DAB1: variants seen among roughly 807,000 people sequenced by gnomAD.
The protein encoded by DAB1 is disabled homolog 1.
DAB1 carries 15 observed loss-of-function variants against 64.6 expected under a neutral mutation model. The observed-to-expected ratio is 0.23, with a 90% CI of 0.16 to 0.36. The LOEUF is 0.36. DAB1 is among the 10% of genes least tolerant of loss of function. The probability of loss-of-function intolerance (pLI) is 1.00; values close to 1 mark genes in which losing one functional copy is unlikely to be tolerated. For missense variants in DAB1, 596 were observed against 706.7 expected (o/e 0.84, Z 1.78); for synonymous variants, 235 against 251.9 (o/e 0.93, Z 0.64).
intron 2 of DAB1, among the ~76,000 whole-genome samples, chr1:57,152,163 T>C (rs771111679): frequency 6.6e-6 from 1 of 152,166 alleles, no homozygotes; most frequent in Non-Finnish European, 1.5e-5. Context: ...AAATACTACT[T>C]GGTATCATTT....
intron 4 of DAB1, among the ~76,000 whole-genome samples, chr1:58,289,276 C>T (rs1045850452): frequency 2.6e-5 from 4 of 152,090 alleles, no homozygotes; most frequent in Non-Finnish European, 5.9e-5. Context: ...CTCTTAGCAT[C>T]TCTAATAAAG....
intron 3 of DAB1, among the ~76,000 whole-genome samples, chr1:58,472,391 A>G (rs1389970307): frequency 2.0e-5 from 3 of 152,244 alleles, no homozygotes; most frequent in Non-Finnish European, 4.4e-5. Flanking sequence ...TGGTCCTGAT[A>G]TAACTTTATA....
rs571724910 is a variant in DAB1, at chr1:58,451,358, G to A, written n.257+54702C>T. ...CCCTCCCACCTTAGTCTCCCAAAGTGCTGGGGTTACAGGCGTGAGCCACTG... is the reference window on the plus strand; with the variant it reads ...CCCTCCCACCTTAGTCTCCCAAAGTACTGGGGTTACAGGCGTGAGCCACTG... On this transcript the variant is annotated intron_variant and non_coding_transcript_variant, in intron 3 of 20. Transcript: ENST00000485760. Among the ~76,000 whole-genome samples, 176 of 152,342 alleles carry A rather than the reference G, an allele frequency of 1.2e-3. 1 individual carries two copies. The highest frequency in any genetic ancestry group is 4.1e-3 in the African/African-American group (169 of 41,578).
rs138611816 is a variant in DAB1, at chr1:58,410,299, T to A, written n.258-66896A>T. 3.9e-5 allele frequency among the ~76,000 whole-genome samples: 6 copies of A among 152,344 alleles called. No individual in the cohort carries two copies. The East Asian group carries it at 1.2e-3, about 29-fold the overall frequency. ...ATTTTTCCATAAATCACTTCCAGCC[T>A]TCAGATAACAATTTTATAGTCTGTT... On this transcript the variant is annotated intron_variant and non_coding_transcript_variant, in intron 3 of 20. Coordinates refer to the DAB1 transcript ENST00000485760.
chr1:57,533,060 T>A (rs1372037214), intron 7 of DAB1, among the ~76,000 whole-genome samples: 3 of 152,130 alleles, frequency 2.0e-5, no homozygotes, highest in Non-Finnish European at 4.4e-5. Context: ...AACCAGGTTC[T>A]CTCACTCCGG....
rs543612276 is a variant in DAB1, at chr1:57,578,334, C to T, written n.625+71258G>A. On this transcript the variant is annotated intron_variant and non_coding_transcript_variant, in intron 7 of 20. Transcript: ENST00000485760. ...GAGATGATTCATAGCCAGGCCAAAG[C>T]TTCTGGCACTGCTAAATCCAGACAG... Among the ~76,000 whole-genome samples, 29 of 152,372 alleles carry T rather than the reference C, an allele frequency of 1.9e-4. 1 individual carries two copies. The highest frequency in any genetic ancestry group is 1.8e-3 in the Admixed American group (27 of 15,308).
intron 5 of DAB1, among the ~76,000 whole-genome samples, chr1:57,984,892 T>G (rs1449104939): frequency 6.7e-6 from 1 of 150,094 alleles, no homozygotes; most frequent in Non-Finnish European, 1.5e-5. Context: ...GAAATTGCAT[T>G]GAAAACCTGC....
At chr1:58,249,215 A>G (rs1249642905) in intron 4 of DAB1, among the ~76,000 whole-genome samples, 1 of 151,496 alleles carries the variant, frequency 6.6e-6, no homozygotes, top group African/African-American at 2.4e-5. Flanking sequence ...CTCCTACTGC[A>G]CCCCCACAAC....
chr1:58,525,018 TTAATTC>T (rs1646327853), intron 2 of DAB1, among the ~76,000 whole-genome samples: 1 of 152,166 alleles, frequency 6.6e-6, no homozygotes, highest in Non-Finnish European at 1.5e-5. Context: ...GGTACCACAG[TTAATTC>T]TATGCAGTTA....
chr1:57,371,477 T>C (rs1213668818), intron 1 of DAB1, among the ~76,000 whole-genome samples: 1 of 152,240 alleles, frequency 6.6e-6, no homozygotes, highest in Admixed American at 6.5e-5. Flanking sequence ...TTAATGGAAC[T>C]ATGTGAATAC....
intron 4 of DAB1, among the ~76,000 whole-genome samples, chr1:58,305,986 AC>A (rs1383960612): frequency 9.8e-6 from 1 of 101,946 alleles, no homozygotes; most frequent in Non-Finnish European, 2.1e-5. Context: ...GCACCCCCCC[AC>A]CCCCCTCCAC....
At chr1:57,482,477 T>TAAAA (rs918167439) in intron 7 of DAB1, among the ~76,000 whole-genome samples, 3 of 61,178 alleles carry the variant, frequency 4.9e-5, no homozygotes, top group South Asian at 5.8e-4. Flanking sequence ...CTGAAAGTTG[T>TAAAA]AAAAAAAAAA....
At chr1:57,193,379 A>ATTTTTTTTTT (rs1328631874) in intron 2 of DAB1, among the ~76,000 whole-genome samples, 5 of 71,568 alleles carry the variant, frequency 7.0e-5, no homozygotes, top group East Asian at 3.9e-4. Context: ...TCCGTAGCAT[A>ATTTTTTTTTT]TGTTTTTTTT....
chr1:57,425,137 G>C (rs1439051903), upstream of DAB1, among the ~76,000 whole-genome samples: 1 of 152,172 alleles, frequency 6.6e-6, no homozygotes, highest in Non-Finnish European at 1.5e-5. Flanking sequence ...TGAAATGCAG[G>C]AGAAGAGAGG....
At chr1:57,576,153 C>T (rs1286154996) in intron 7 of DAB1, among the ~76,000 whole-genome samples, 1 of 151,774 alleles carries the variant, frequency 6.6e-6, no homozygotes, top group Admixed American at 6.6e-5. Context: ...ATTTTTTAAT[C>T]ATAATATTTT....
At chr1:58,180,276 C>CTTTTCTTTTTTTTT (rs1656709289) in intron 4 of DAB1, among the ~76,000 whole-genome samples, 1 of 53,144 alleles carries the variant, frequency 1.9e-5, no homozygotes, top group African/African-American at 8.2e-5. Context: ...TCTTTTTTTT[C>CTTTTCTTTTTTTTT]TTTTCTTTTT....
At chr1:58,264,715 T>C (rs569501446) in intron 4 of DAB1, among the ~76,000 whole-genome samples, 3 of 152,218 alleles carry the variant, frequency 2.0e-5, no homozygotes, top group Non-Finnish European at 2.9e-5. Context: ...ATCTCTTCTG[T>C]TCACACTTTT....
chr1:57,190,473 T>G (rs565386148), intron 2 of DAB1, among the ~76,000 whole-genome samples: 3 of 151,858 alleles, frequency 2.0e-5, no homozygotes, highest in Admixed American at 1.3e-4. Flanking sequence ...TGGGGAGAGA[T>G]AGAGCCAGGA....
At chr1:57,996,414 T>C (rs1422679215) in intron 5 of DAB1, among the ~76,000 whole-genome samples, 3 of 152,070 alleles carry the variant, frequency 2.0e-5, no homozygotes, top group Non-Finnish European at 4.4e-5. Flanking sequence ...GGTAGCAAGG[T>C]AGTGTAGCAA....
Sources: gnomAD v4.1 joint callset for allele counts (sites outside exome capture counted in the v4.1 genomes callset) on GRCh38, gnomAD v4.1.1 for gene constraint, MANE v1.5 for transcripts, NCBI Gene and HGNC (gene_info 2026-07-23, HGNC 2026-07-21) for gene names.